Variants in SSBP2 observed in about 807,000 individuals in gnomAD.
The protein encoded by SSBP2 is single stranded DNA binding protein 2.
A neutral mutation model predicts 61.8 loss-of-function variants in SSBP2; 17 were observed. The observed-to-expected ratio is 0.28, with a 90% CI of 0.19 to 0.41. SSBP2 has a LOEUF of 0.41. Ranked by LOEUF, SSBP2 falls within the 10% of genes least tolerant of loss-of-function variation. The probability of loss-of-function intolerance (pLI) is 1.00; values close to 1 mark genes in which losing one functional copy is unlikely to be tolerated. For missense variants in SSBP2, 310 were observed against 458.7 expected, an observed-to-expected ratio of 0.68 and a Z score of 2.96; for synonymous variants, 139 against 141.3, an observed-to-expected ratio of 0.98 and a Z score of 0.12.
intron 1 of SSBP2, among the ~76,000 whole-genome samples, chr5:81,687,334 A>G (rs1044805755): frequency 2.0e-5 from 3 of 152,206 alleles, no homozygotes; most frequent in African/African-American, 4.8e-5. Context: ...CCCCCAGCCC[A>G]GTGGCCAGAA....
intron 4 of SSBP2, among the ~76,000 whole-genome samples, chr5:81,553,924 C>G (rs1436737133): frequency 1.3e-5 from 2 of 151,884 alleles, no homozygotes; most frequent in East Asian, 1.9e-4. Context: ...TTTCTTCCAC[C>G]CAACACTGAT....
In SSBP2 at chr5:81,488,059, A is replaced by ATATATTATATATATACATTATATATAT. The variant is rs1561459572; in HGVS notation, c.432+1190_432+1191insATATATATAATGTATATATATAATATA. On this transcript the variant is annotated intron_variant, in intron 6 of 16. Transcript: ENST00000320672. Reference sequence around the variant, plus strand: ...TATATATATATATATATATATATATAAATAAAATATCATATATTATATATA... The same window carrying ATATATTATATATATACATTATATATAT: ...TATATATATATATATATATATATATATATATTATATATATACATTATATATATAATAAAATATCATATATTATATATA... 4.7e-3 allele frequency among the ~76,000 whole-genome samples: 305 copies of ATATATTATATATATACATTATATATAT among 65,218 alleles called. 17 individuals are homozygous for ATATATTATATATATACATTATATATAT. The highest frequency in any genetic ancestry group is 6.5e-3 in the Non-Finnish European group (231 of 35,710). The allele number at this position is 65,218 out of a possible 152,430, so 42.8% of individuals were successfully genotyped here.
At chr5:81,633,708 C>T (rs1003461471) in intron 3 of SSBP2, among the ~76,000 whole-genome samples, 6 of 152,132 alleles carry the variant, frequency 3.9e-5, no homozygotes, top group African/African-American at 1.4e-4. Flanking sequence ...CCCATGTAAC[C>T]AGATGCCTGC....
intron 4 of SSBP2, among the ~76,000 whole-genome samples, chr5:81,584,407 T>TTTAA (rs1774911652): frequency 6.6e-6 from 1 of 152,204 alleles, no homozygotes; most frequent in African/African-American, 2.4e-5. Flanking sequence ...TTTTAACTCT[T>TTTAA]ATCAGTACAA....
intron 3 of SSBP2, among the ~76,000 whole-genome samples, chr5:81,627,298 T>C (rs1252288076): frequency 6.6e-6 from 1 of 152,166 alleles, no homozygotes; most frequent in Non-Finnish European, 1.5e-5. Context: ...GTTTTTTGCC[T>C]TCTCTCTTGC....
chr5:81,546,163 T>C (rs563162299), intron 4 of SSBP2, among the ~76,000 whole-genome samples: 7 of 152,360 alleles, frequency 4.6e-5, no homozygotes, highest in Non-Finnish European at 7.4e-5. Flanking sequence ...TTAATCATTA[T>C]AATAGCAATG....
chr5:81,421,820 C>T (rs545602338), intron 16 of SSBP2, among the ~76,000 whole-genome samples: 6 of 152,196 alleles, frequency 3.9e-5, no homozygotes, highest in Admixed American at 1.3e-4. Flanking sequence ...GCCTACTGAG[C>T]ATATGACATG....
chr5:81,682,857 C>A (rs1045661378), intron 1 of SSBP2, among the ~76,000 whole-genome samples: 3 of 152,086 alleles, frequency 2.0e-5, no homozygotes, highest in African/African-American at 7.2e-5. Flanking sequence ...AATCGCTTCC[C>A]TACATACTAG....
At chr5:81,443,969 ACTTTTC>A (rs1448651746) in intron 12 of SSBP2, among the ~76,000 whole-genome samples, 1 of 152,158 alleles carries the variant, frequency 6.6e-6, no homozygotes, top group African/African-American at 2.4e-5. Context: ...AGTGGCAATT[ACTTTTC>A]CTTTTACTGT....
At chr5:81,519,720 C>T (rs1350360274) in intron 4 of SSBP2, among the ~76,000 whole-genome samples, 1 of 152,134 alleles carries the variant, frequency 6.6e-6, no homozygotes, top group African/African-American at 2.4e-5. Context: ...GTTTCAATCT[C>T]TGGATGACTT....
At chr5:81,440,321 T>C (rs1238542581) in intron 14 of SSBP2, among the ~76,000 whole-genome samples, 1 of 152,154 alleles carries the variant, frequency 6.6e-6, no homozygotes, top group African/African-American at 2.4e-5. Flanking sequence ...GAGATTTCTA[T>C]AGGTTAAAGT....
rs1451076633 is a variant in SSBP2, at chr5:81,620,108, A to G, written c.198-4551T>C. On this transcript the variant is annotated intron_variant, in intron 3 of 16. Coordinates refer to ENST00000320672, the MANE Select transcript of SSBP2 (RefSeq NM_012446.5). The stretch of plus-strand genomic sequence containing the variant: ...AGTGTTGGAAGTTCTGGCCAGGGCA[A>G]TCAGGCAGGAGAAGGAAATAAAGGG... 2.0e-3 allele frequency among the ~76,000 whole-genome samples: 196 copies of G among 98,342 alleles called. 1 individual carries two copies. The highest frequency in any genetic ancestry group is 8.1e-3 in the African/African-American group (188 of 23,176). 64.5% of individuals were successfully genotyped at this position (98,342 alleles called of 152,430 possible).
chr5:81,420,044 T>C lies in SSBP2; in HGVS notation c.*460A>G, dbSNP rs749394578. The C allele has an allele frequency of 2.6e-5, 4 of 154,726 alleles. No homozygotes were observed. Among genetic ancestry groups the C allele is most frequent in the African/African-American group, 7.2e-5 (3 of 41,470 alleles). The allele number at this position is 154,726 out of a possible 1,614,324, so 9.6% of individuals were successfully genotyped here. A position where few individuals can be genotyped will look rare whatever the true frequency, so the allele number is the denominator to read the frequency against. On this transcript the variant is annotated 3_prime_UTR_variant, in exon 17 of 17. Transcript: ENST00000320672. ...AAATAACTTATATAAAGCAGTGATA[T>C]ACACAGCACAAAATAGTTCAGGGAG... is the stretch of plus-strand genomic sequence containing the variant.
intron 3 of SSBP2, among the ~76,000 whole-genome samples, chr5:81,632,621 G>C (rs1001854233): frequency 2.6e-5 from 4 of 152,064 alleles, no homozygotes; most frequent in African/African-American, 9.7e-5. Flanking sequence ...CCCAGCATTT[G>C]TGCTTTGGAC....
intron 1 of SSBP2, among the ~76,000 whole-genome samples, chr5:81,692,660 C>A (rs1753294217): frequency 6.6e-6 from 1 of 152,066 alleles, no homozygotes. Flanking sequence ...AAAACAGACA[C>A]ACAGACCAAT....
At position 81,615,428 on chromosome 5, in the gene SSBP2, C is replaced by T. The variant is rs1159544510; in HGVS notation, c.282+45G>A. The T allele has an allele frequency of 5.7e-6, 8 of 1,404,482 alleles. No homozygotes were observed. The Admixed American group carries it at 1.2e-4, about 21-fold the overall frequency. The allele number at this position is 1,404,482 out of a possible 1,614,324, so 87.0% of individuals were successfully genotyped here. The stretch of plus-strand genomic sequence containing the variant: ...GTATTTTTTAAGAGCAGTGGTTAAA[C>T]AGAAAACTGACAGTGTAACTTTGTA... On this transcript the variant is annotated intron_variant, in intron 4 of 16. Transcript: ENST00000320672.
intron 4 of SSBP2, among the ~76,000 whole-genome samples, chr5:81,596,106 A>T (rs1314655637): frequency 6.6e-6 from 1 of 152,192 alleles, no homozygotes; most frequent in Non-Finnish European, 1.5e-5. Flanking sequence ...CTCAGCCCAA[A>T]ATCTCCTCAA....
chr5:81,622,614 TATC>T lies in SSBP2; in HGVS notation c.198-7060_198-7058del, dbSNP rs563934772. ...CATATAACAAGAATGTTATCAATAA[TATC>T]ATCAACACTATAATTAGTTTGCATG... On this transcript the variant is annotated intron_variant, in intron 3 of 16. Transcript: ENST00000320672. Among the ~76,000 whole-genome samples, 309 of 152,342 alleles carry T rather than the reference TATC, an allele frequency of 2.0e-3. 2 individuals carry two copies. Among genetic ancestry groups the T allele is most frequent in the African/African-American group, 7.2e-3 (300 of 41,568 alleles).
intron 3 of SSBP2, among the ~76,000 whole-genome samples, chr5:81,622,755 A>G (rs1746729500): frequency 6.6e-6 from 1 of 152,208 alleles, no homozygotes; most frequent in South Asian, 2.1e-4. Context: ...TTCAACCTTC[A>G]AAGATTCATT....
Sources: allele counts gnomAD v4.1 joint callset (sites outside exome capture counted in the v4.1 genomes callset), GRCh38; gene constraint gnomAD v4.1.1; transcripts MANE v1.5; gene names NCBI Gene and HGNC (gene_info 2026-07-23, HGNC 2026-07-21).